Variants in UMAD1 observed in about 807,000 individuals in gnomAD.
The protein encoded by UMAD1 is UBAP1-MVB12-associated (UMA)-domain containing protein 1.
Under a neutral mutation model 6.1 loss-of-function variants are expected in UMAD1, and 8 were observed. That is an observed-to-expected ratio of 1.30 (90% CI 0.76 to 2.35). The LOEUF (loss-of-function observed/expected upper bound fraction) is 2.35, where lower values mean the gene tolerates loss of function less well. Ranked by LOEUF, UMAD1 falls within the 30% of genes most tolerant of loss-of-function variation. The probability of loss-of-function intolerance (pLI) is 0.00; values close to 1 mark genes in which losing one functional copy is unlikely to be tolerated. For synonymous variants in UMAD1, 56 were observed against 31.4 expected, an observed-to-expected ratio of 1.78 and a Z score of -2.61; for missense variants, 130 against 78.4, an observed-to-expected ratio of 1.66 and a Z score of -2.49.
At chr7:7,719,168 A>G (rs1780991566) in intron 2 of UMAD1, among the ~76,000 whole-genome samples, 1 of 152,226 alleles carries the variant, frequency 6.6e-6, no homozygotes, top group Non-Finnish European at 1.5e-5. Context: ...GGGTGAATTC[A>G]GAAGATCTAG....
intron 2 of UMAD1, among the ~76,000 whole-genome samples, chr7:7,756,407 A>G (rs1048369625): frequency 1.3e-5 from 2 of 152,208 alleles, no homozygotes; most frequent in Non-Finnish European, 2.9e-5. Flanking sequence ...TAAATGAAAA[A>G]GGGCATCTGT....
At chr7:7,832,583 G>A (rs1466734567) in intron 3 of UMAD1, among the ~76,000 whole-genome samples, 3 of 152,188 alleles carry the variant, frequency 2.0e-5, no homozygotes, top group African/African-American at 4.8e-5. Flanking sequence ...AAAGGGGAAC[G>A]TTTTTGGCTT....
chr7:7,830,241 C>G lies in UMAD1; in HGVS notation c.156+28498C>G, dbSNP rs765309088. On this transcript the variant is annotated intron_variant, in intron 3 of 3. Transcript: ENST00000682710. The surrounding 1 kb of genome is among the most constrained non-coding windows in gnomAD (Gnocchi z 5.3). ...ATCAACTTGCCATTTCCTAAACATG[C>G]GTTGTAATCACACGGCTCTCTGTCT... 6.6e-6 allele frequency among the ~76,000 whole-genome samples: 1 copy of G among 152,086 alleles called. No individual in the cohort carries two copies. The highest frequency in any genetic ancestry group is 1.5e-5 in the Non-Finnish European group (1 of 68,024).
intron 2 of UMAD1, among the ~76,000 whole-genome samples, chr7:7,787,178 T>A (rs1782477052): frequency 6.6e-6 from 1 of 152,214 alleles, no homozygotes; most frequent in Non-Finnish European, 1.5e-5. Flanking sequence ...ATTTCAAGAA[T>A]ATCTAATTTA....
chr7:7,643,421 A>G (rs1785019761), intron 1 of UMAD1, among the ~76,000 whole-genome samples: 1 of 152,210 alleles, frequency 6.6e-6, no homozygotes, highest in Non-Finnish European at 1.5e-5. Context: ...TAAAAGTCCT[A>G]GGATCAGGGC....
intron 2 of UMAD1, among the ~76,000 whole-genome samples, chr7:7,787,984 T>C (rs2115260649): frequency 6.6e-6 from 1 of 152,312 alleles, no homozygotes; most frequent in African/African-American, 2.4e-5. Flanking sequence ...TCTGAGACTA[T>C]TGCCACCCTC....
At chr7:7,736,342 C>G (rs1160803058) in intron 2 of UMAD1, 5 of 153,176 alleles carry the variant, frequency 3.3e-5, no homozygotes, top group Non-Finnish European at 5.9e-5. Context: ...AGCTGTCATT[C>G]TAAAACATGG....
chr7:7,775,607 A>C (rs1297795635), intron 2 of UMAD1, among the ~76,000 whole-genome samples: 1 of 152,226 alleles, frequency 6.6e-6, no homozygotes, highest in African/African-American at 2.4e-5. Flanking sequence ...GGACTAATAC[A>C]CTACTACACC....
chr7:7,801,843 C>G, intron 3 of UMAD1, 100 bp downstream of exon 3: 3 of 664,334 alleles, frequency 4.5e-6, no homozygotes, highest in East Asian at 5.4e-5. Flanking sequence ...CTTGCTATGC[C>G]ATAGGTGCCT....
chr7:7,682,330 TC>T (rs140033996), intron 2 of UMAD1, among the ~76,000 whole-genome samples: 2,732 of 152,310 alleles, frequency 0.018, 83 homozygotes, highest in African/African-American at 0.063. Flanking sequence ...GTCTCAATGA[TC>T]AGTCAGATAT....
At chr7:7,679,733 C>CATATATAT (rs1779858897) in intron 2 of UMAD1, among the ~76,000 whole-genome samples, 2 of 139,574 alleles carry the variant, frequency 1.4e-5, no homozygotes, top group African/African-American at 2.7e-5. Context: ...TATATATATA[C>CATATATAT]ACACACACAT....
chr7:7,772,729 C>T (rs1156331866), intron 2 of UMAD1, among the ~76,000 whole-genome samples: 2 of 152,138 alleles, frequency 1.3e-5, no homozygotes, highest in African/African-American at 4.8e-5. Context: ...AGCAGCTGCG[C>T]CCGTTTTCTC....
At chr7:7,802,650 G>T (rs12671658) in intron 3 of UMAD1, among the ~76,000 whole-genome samples, 69,520 of 151,910 alleles carry the variant, frequency 0.46, 16,551 homozygotes, top group African/African-American at 0.58. Flanking sequence ...ATCTTGAAAT[G>T]TGAAACTTTC....
At chr7:7,857,652 A>C (rs1460514792) in intron 3 of UMAD1, among the ~76,000 whole-genome samples, 1 of 152,258 alleles carries the variant, frequency 6.6e-6, no homozygotes, top group Admixed American at 6.5e-5. Flanking sequence ...TGTATTATTC[A>C]GGGATCACAA....
At chr7:7,652,959 GAAT>G (rs1052419139) in intron 1 of UMAD1, among the ~76,000 whole-genome samples, 1 of 152,342 alleles carries the variant, frequency 6.6e-6, no homozygotes. Flanking sequence ...GACCCATACT[GAAT>G]AATGTTTTAT....
chr7:7,688,884 A>G (rs952377695), intron 2 of UMAD1, among the ~76,000 whole-genome samples: 1 of 152,200 alleles, frequency 6.6e-6, no homozygotes, highest in Non-Finnish European at 1.5e-5. Flanking sequence ...AAAACTTGGT[A>G]ATATCTTCTA....
chr7:7,839,688 A>T (rs1157425840), intron 3 of UMAD1, among the ~76,000 whole-genome samples: 1 of 152,202 alleles, frequency 6.6e-6, no homozygotes, highest in Non-Finnish European at 1.5e-5. Flanking sequence ...TCAAGAACAA[A>T]GTTCTTAAGA....
In UMAD1 at chr7:7,767,725, C is replaced by A. The variant is rs149723228; in HGVS notation, c.83-33945C>A. Among the ~76,000 whole-genome samples the A allele has an allele frequency of 4.7e-3, 710 of 152,204 alleles. 5 individuals carry two copies. The highest frequency in any genetic ancestry group is 0.044 in the Middle Eastern group (13 of 294). On this transcript the variant is annotated intron_variant, in intron 2 of 3. Transcript: ENST00000682710. ...TATGAGTTTAAGCCTCAAAATAATT[C>A]TTTGAGGTAGATACCATTATTATAA...
chr7:7,643,873 C>T (rs146743054), intron 1 of UMAD1, among the ~76,000 whole-genome samples: 1 of 152,104 alleles, frequency 6.6e-6, no homozygotes, highest in African/African-American at 2.4e-5. Flanking sequence ...CATTCCTGCT[C>T]TGGAACTTGC....
Sources: gnomAD v4.1 joint callset for allele counts (sites outside exome capture counted in the v4.1 genomes callset) on GRCh38, gnomAD v4.1.1 for gene constraint, Gnocchi (gnomAD v3.1) non-coding constraint, MANE v1.5 for transcripts, NCBI Gene and HGNC (gene_info 2026-07-23, HGNC 2026-07-21) for gene names.